Variants in ADGRA3 observed in about 807,000 individuals in gnomAD.
ADGRA3 encodes the protein adhesion G protein-coupled receptor A3.
ADGRA3 carries 56 observed loss-of-function variants against 119.8 expected under a neutral mutation model. That is an observed-to-expected ratio of 0.47 (90% CI 0.38 to 0.58). ADGRA3 has a LOEUF of 0.58. Ranked by LOEUF, ADGRA3 falls within the 20% of genes least tolerant of loss-of-function variation. The probability of loss-of-function intolerance (pLI) is 0.00; values close to 1 mark genes in which losing one functional copy is unlikely to be tolerated. For missense variants in ADGRA3, 1,516 were observed against 1,649.0 expected (o/e 0.92, Z 1.40); for synonymous variants, 607 against 623.8 (o/e 0.97, Z 0.40).
chr4:22,436,337 TTA>T (rs1163189753), intron 9 of ADGRA3, 101 bp downstream of exon 9: 9 of 821,192 alleles, frequency 1.1e-5, no homozygotes, highest in African/African-American at 3.5e-5. Context: ...CACAAAATCC[TTA>T]TGTTTTGCCT....
At position 22,501,913 on chromosome 4, in the gene ADGRA3, T is replaced by A. The variant is rs562172620; in HGVS notation, c.257+13615A>T. Among the ~76,000 whole-genome samples the A allele has an allele frequency of 1.1e-4, 11 of 104,604 alleles. No individual in the cohort carries two copies. The Admixed American group carries it at 1.2e-3, about 12-fold the overall frequency. The allele number at this position is 104,604 out of a possible 152,430, so 68.6% of individuals were successfully genotyped here. ...TCAACTTTATCCCTGAGGGAAGAACTCGAATGTGTAATTTTTTTTTTCCCC... is the reference window on the plus strand; with the variant it reads ...TCAACTTTATCCCTGAGGGAAGAACACGAATGTGTAATTTTTTTTTTCCCC... On this transcript the variant is annotated intron_variant, in intron 1 of 18. Transcript: ENST00000334304.
intron 1 of ADGRA3, among the ~76,000 whole-genome samples, chr4:22,495,884 G>A (rs192372928): frequency 5.9e-5 from 9 of 152,130 alleles, no homozygotes; most frequent in African/African-American, 2.2e-4. Flanking sequence ...ACTGCAGCCT[G>A]GGGGACAGAG....
intron 14 of ADGRA3, among the ~76,000 whole-genome samples, chr4:22,409,561 A>G (rs1715101497): frequency 6.6e-6 from 1 of 152,184 alleles, no homozygotes; most frequent in Admixed American, 6.5e-5. Context: ...GGGTGATGAC[A>G]GTACTATTTC....
intron 9 of ADGRA3, among the ~76,000 whole-genome samples, chr4:22,436,046 G>A (rs576954606): frequency 6.6e-6 from 1 of 152,174 alleles, no homozygotes; most frequent in South Asian, 2.1e-4. Context: ...GTTTTAAAAA[G>A]ATGCATAGAA....
intron 14 of ADGRA3, among the ~76,000 whole-genome samples, chr4:22,407,462 T>C (rs1714989170): frequency 6.6e-6 from 1 of 152,084 alleles, no homozygotes; most frequent in Non-Finnish European, 1.5e-5. Flanking sequence ...ATAAAAATGG[T>C]GGTATGAGAC....
At chr4:22,498,255 A>AAT (rs1553882173) in intron 1 of ADGRA3, among the ~76,000 whole-genome samples, 24 of 151,450 alleles carry the variant, frequency 1.6e-4, no homozygotes, top group East Asian at 3.9e-4. Context: ...TCACAAACAA[A>AAT]AAATAAATAA....
At chr4:22,489,318 A>T (rs1303630089) in intron 1 of ADGRA3, among the ~76,000 whole-genome samples, 1 of 152,158 alleles carries the variant, frequency 6.6e-6, no homozygotes, top group Non-Finnish European at 1.5e-5. Flanking sequence ...AAATTATGGG[A>T]GCTATACTTA....
chr4:22,449,846 CA>C (rs35006609), intron 4 of ADGRA3, among the ~76,000 whole-genome samples: 1,367 of 117,564 alleles, frequency 0.012, 26 homozygotes, highest in Admixed American at 0.061. Flanking sequence ...AACTCTGTCT[CA>C]AAAAAAAAAA....
At chr4:22,455,682 A>T in intron 3 of ADGRA3, 1 of 380,998 alleles carries the variant, frequency 2.6e-6, no homozygotes, top group South Asian at 3.5e-5. Flanking sequence ...ATCCCTCTTT[A>T]TTTACTTTGC....
At chr4:22,401,694 GACACACACACACATAC>G (rs1560297861) in intron 15 of ADGRA3, 140 bp from the exon 16 acceptor site, 1 of 474,194 alleles carries the variant, frequency 2.1e-6, no homozygotes, top group East Asian at 3.1e-5. Context: ...TATACTACCA[GACACACACACACATAC>G]ACACACGCAC....
chr4:22,515,467 T>G (rs1719617619), intron 1 of ADGRA3, 61 bp downstream of exon 1: 17 of 1,566,340 alleles, frequency 1.1e-5, no homozygotes, highest in Admixed American at 1.8e-5. Context: ...GCTCCAAAGT[T>G]GAGCGGAGAG....
chr4:22,434,351 G>A (rs186523094), intron 10 of ADGRA3, among the ~76,000 whole-genome samples: 4 of 151,892 alleles, frequency 2.6e-5, no homozygotes, highest in African/African-American at 7.2e-5. Flanking sequence ...AAAGAAATAC[G>A]CAGGTTTTGT....
At chr4:22,424,093 T>C (rs1715827518) in intron 11 of ADGRA3, 98 bp downstream of exon 11, 1 of 880,260 alleles carries the variant, frequency 1.1e-6, no homozygotes. Context: ...TAAGAGAAGA[T>C]ATCCACCCCA....
intron 10 of ADGRA3, among the ~76,000 whole-genome samples, chr4:22,427,173 A>G (rs1715974373): frequency 6.6e-6 from 1 of 152,226 alleles, no homozygotes; most frequent in Non-Finnish European, 1.5e-5. Flanking sequence ...AAAAATATTA[A>G]TAAAATTCCC....
intron 1 of ADGRA3, among the ~76,000 whole-genome samples, chr4:22,495,232 G>C (rs1439897822): frequency 6.6e-6 from 1 of 151,936 alleles, no homozygotes; most frequent in Non-Finnish European, 1.5e-5. Context: ...AGGCAGGATG[G>C]AGCAGGACAG....
intron 9 of ADGRA3, 85 bp downstream of exon 9, chr4:22,436,355 T>TAAAAAA: frequency 1.2e-6 from 1 of 857,112 alleles, no homozygotes; most frequent in Non-Finnish European, 1.8e-6. Context: ...TGCCTAGTAT[T>TAAAAAA]AAAAAAAAAA....
intron 1 of ADGRA3, 121 bp from the exon 2 acceptor site, chr4:22,473,964 T>C (rs1717949530): frequency 1.9e-6 from 1 of 538,050 alleles, no homozygotes; most frequent in African/African-American, 1.9e-5. Flanking sequence ...CCAGAATGTT[T>C]GAGATGGCTG....
At chr4:22,402,368 G>A (rs969538709) in intron 15 of ADGRA3, among the ~76,000 whole-genome samples, 4 of 151,960 alleles carry the variant, frequency 2.6e-5, no homozygotes, top group African/African-American at 7.3e-5. Context: ...AGAAACTTCC[G>A]CCTCACTTTA....
chr4:22,423,813 C>A (rs1391364689), intron 11 of ADGRA3, among the ~76,000 whole-genome samples: 1 of 152,114 alleles, frequency 6.6e-6, no homozygotes, highest in African/African-American at 2.4e-5. Context: ...GCCAGTGGGG[C>A]AATACAATAG....
Sources: allele counts gnomAD v4.1 joint callset (sites outside exome capture counted in the v4.1 genomes callset), GRCh38; gene constraint gnomAD v4.1.1; transcripts MANE v1.5; gene names NCBI Gene and HGNC (gene_info 2026-07-23, HGNC 2026-07-21).